METTL25: variants seen among roughly 807,000 people sequenced by gnomAD.
The protein encoded by METTL25 is probable methyltransferase-like protein 25.
METTL25 carries 64 observed loss-of-function variants against 71.6 expected under a neutral mutation model. That is an observed-to-expected ratio of 0.89 (90% confidence interval 0.73 to 1.10). METTL25 has a LOEUF of 1.10. METTL25 is among the 50% of genes least tolerant of loss of function. The pLI, the probability that METTL25 is intolerant of heterozygous loss-of-function variation, is 0.00. For missense variants in METTL25, 807 were observed against 707.0 expected, an observed-to-expected ratio of 1.14 and a Z score of -1.60; for synonymous variants, 287 against 250.3, an observed-to-expected ratio of 1.15 and a Z score of -1.38.
chr12:82,473,719 C>T (rs541221551), intron 9 of METTL25, among the ~76,000 whole-genome samples: 2 of 152,238 alleles, frequency 1.3e-5, no homozygotes, highest in Admixed American at 6.5e-5. Flanking sequence ...CATGGCCTCT[C>T]GCCCTCAGGA....
Position 82,358,789 on chromosome 12 carries a change from A to T in METTL25, c.224A>T (p.Glu75Val), listed in dbSNP as rs780334059. ...SASETEALPS[E>V]TRPLVEAEWE... ...TCGGAGACGGAGGCCCTGCCCTCAGAGACGCGCCCCCTAGTGGAAGCAGAG... is the reference window on the plus strand; with the variant it reads ...TCGGAGACGGAGGCCCTGCCCTCAGTGACGCGCCCCCTAGTGGAAGCAGAG... Residue 75 changes from glutamate to valine, a missense_variant, in exon 1 of 12, where the codon GAG becomes GTG. Glu to Val is a moderately radical substitution (Grantham distance 121). Transcript: ENST00000248306. The T allele has an allele frequency of 6.2e-7, 1 of 1,613,324 alleles. No individual in the cohort carries two copies. The highest frequency in any genetic ancestry group is 8.5e-7 in the Non-Finnish European group (1 of 1,179,786).
At chr12:82,410,145 T>C (rs1887439941) in intron 5 of METTL25, among the ~76,000 whole-genome samples, 1 of 151,830 alleles carries the variant, frequency 6.6e-6, no homozygotes, top group African/African-American at 2.4e-5. Context: ...ACATACTGTT[T>C]AAGCTTACTT....
Position 82,434,690 on chromosome 12 carries a change from T to G in METTL25, c.1375-5T>G, listed in dbSNP as rs754169532. ...AACAATCTGTCTTGTTTTTTTCCCTTTAAGGCATTGGAGCGGGTTGCAGCT... is the reference window on the plus strand; with the variant it reads ...AACAATCTGTCTTGTTTTTTTCCCTGTAAGGCATTGGAGCGGGTTGCAGCT... On this transcript the variant is annotated splice_region_variant and splice_polypyrimidine_tract_variant and intron_variant, in intron 6 of 11. Transcript: ENST00000248306. The G allele has an allele frequency of 1.7e-5, 27 of 1,609,084 alleles. No homozygotes were observed. The highest frequency in any genetic ancestry group is 2.1e-5 in the Non-Finnish European group (25 of 1,176,630).
In METTL25 at chr12:82,394,397, T is replaced by C. The variant is rs1054498845; in HGVS notation, c.532-4398T>C. 3.3e-5 allele frequency among the ~76,000 whole-genome samples: 5 copies of C among 152,030 alleles called. No individual in the cohort carries two copies. In the South Asian group the frequency reaches 6.2e-4, roughly 19 times the overall value. ...AAATACATAACCTTATTGGTGACCA[T>C]AGAGAACTAAACAAGAATATCATTT... On this transcript the variant is annotated intron_variant, in intron 3 of 11. Transcript: ENST00000248306.
chr12:82,463,327 CTA>C (rs1358337685), intron 9 of METTL25, among the ~76,000 whole-genome samples: 1 of 151,860 alleles, frequency 6.6e-6, no homozygotes, highest in African/African-American at 2.4e-5. Context: ...TGAGAATATA[CTA>C]TGTTTTTAAC....
At chr12:82,446,994 C>T (rs1294954741) in intron 8 of METTL25, among the ~76,000 whole-genome samples, 1 of 151,690 alleles carries the variant, frequency 6.6e-6, no homozygotes, top group East Asian at 1.9e-4. Flanking sequence ...ACATTAAGAG[C>T]AAAGTATATA....
At position 82,358,649 on chromosome 12, in the gene METTL25, G is replaced by C. The variant is rs1259826060; in HGVS notation, c.84G>C (p.Arg28Ser). 1 of 1,614,134 alleles carries C rather than the reference G, an allele frequency of 6.2e-7. No individual in the cohort carries two copies. The highest frequency in any genetic ancestry group is 2.2e-5 in the East Asian group (1 of 44,878). The change falls in exon 1 of 12, where the codon AGG becomes AGC. Residue 28 changes from arginine (R) to serine (S), a missense_variant. Transcript: ENST00000248306. The stretch of plus-strand genomic sequence containing the variant: ...TGCAGGGACTGCTGCAGTTCCTGAG[G>C]GATGCCCTGTCCATTTCCAATGCAC... ...AKLQGLLQFL[R>S]DALSISNAHT... is the part of the protein sequence containing the mutation.
intron 3 of METTL25, among the ~76,000 whole-genome samples, chr12:82,398,209 CTATTT>C (rs1288641217): frequency 2.7e-5 from 4 of 149,974 alleles, no homozygotes; most frequent in African/African-American, 9.7e-5. Context: ...TATTTTTATT[CTATTT>C]TAATTGTTTT....
intron 5 of METTL25, chr12:82,408,005 A>G (rs1366629799): frequency 3.1e-6 from 3 of 976,796 alleles, no homozygotes; most frequent in Non-Finnish European, 3.6e-6. Context: ...CTAGCTGCCT[A>G]GCTGAGTCGA....
At chr12:82,425,087 T>C (rs917198941) in intron 5 of METTL25, among the ~76,000 whole-genome samples, 12 of 151,986 alleles carry the variant, frequency 7.9e-5, no homozygotes, top group African/African-American at 2.7e-4. Context: ...AGATAAGATA[T>C]CCTAGAGAAG....
At chr12:82,368,367 C>T (rs79237918) in intron 1 of METTL25, among the ~76,000 whole-genome samples, 8,475 of 152,208 alleles carry the variant, frequency 0.056, 317 homozygotes, top group South Asian at 0.092. Flanking sequence ...ATTTAACACA[C>T]ACATACACAC....
chr12:82,424,808 C>T (rs189464318), intron 5 of METTL25, among the ~76,000 whole-genome samples: 1 of 151,838 alleles, frequency 6.6e-6, no homozygotes, highest in Non-Finnish European at 1.5e-5. Flanking sequence ...CACAGAGAGA[C>T]ACAGAGAAAA....
At chr12:82,446,803 G>T (rs1218092086) in intron 8 of METTL25, among the ~76,000 whole-genome samples, 1 of 151,908 alleles carries the variant, frequency 6.6e-6, no homozygotes, top group Non-Finnish European at 1.5e-5. Flanking sequence ...TTTTAGTAGA[G>T]ACGGGGTTTC....
intron 1 of METTL25, among the ~76,000 whole-genome samples, chr12:82,371,507 C>G (rs1466398434): frequency 6.6e-6 from 1 of 152,206 alleles, no homozygotes; most frequent in Non-Finnish European, 1.5e-5. Flanking sequence ...TTTCTGTCCT[C>G]TCTGAACCAC....
At chr12:82,421,969 C>T (rs548715085) in intron 5 of METTL25, among the ~76,000 whole-genome samples, 1 of 152,306 alleles carries the variant, frequency 6.6e-6, no homozygotes, top group Admixed American at 6.5e-5. Flanking sequence ...ACCAGAGGTA[C>T]AAGGAGGTGC....
Position 82,398,883 on chromosome 12 carries a change from A to G in METTL25, c.620A>G (p.Asn207Ser). ...AAAGTTTATGGAATTGATTCTTCAA[A>G]TACCAATACTCATGGAGCTGAGGAG... ...GLKVYGIDSSNTNTHGAEERN... is the reference protein window; with the variant it reads ...GLKVYGIDSSSTNTHGAEERN... Residue 207 changes from asparagine (N) to serine (S), a missense_variant, in exon 4 of 12, where the codon AAT becomes AGT. Asn to Ser is a conservative substitution (Grantham distance 46). Transcript: ENST00000248306. The G allele has an allele frequency of 6.2e-7, 1 of 1,607,504 alleles. No individual in the cohort carries two copies. The highest frequency in any genetic ancestry group is 8.5e-7 in the Non-Finnish European group (1 of 1,178,164).
At position 82,434,741 on chromosome 12, in the gene METTL25, A is replaced by T; in HGVS notation, c.1404+17A>T. On this transcript the variant is annotated intron_variant, in intron 7 of 11. Coordinates refer to ENST00000248306, the MANE Select transcript of METTL25 (RefSeq NM_032230.3). ...GGCCAAGGGGTAAGTAAGAGTGTTA[A>T]CTGATGAACACGACAGTTTTTCTCT... 1.2e-6 allele frequency: 2 copies of T among 1,606,846 alleles called. No individual in the cohort carries two copies. The highest frequency in any genetic ancestry group is 1.3e-5 in the African/African-American group (1 of 74,632).
At chr12:82,450,923 A>C (rs1230887677) in intron 8 of METTL25, among the ~76,000 whole-genome samples, 3 of 152,058 alleles carry the variant, frequency 2.0e-5, no homozygotes, top group Admixed American at 2.0e-4. Flanking sequence ...CTAACCTTTC[A>C]TATCTGCTTT....
At chr12:82,367,108 T>C (rs1449989058) in intron 1 of METTL25, among the ~76,000 whole-genome samples, 1 of 152,194 alleles carries the variant, frequency 6.6e-6, no homozygotes, top group Admixed American at 6.5e-5. Context: ...CTCCACTACT[T>C]TCCCCTTTCC....
Sources: gnomAD v4.1 joint callset for allele counts (sites outside exome capture counted in the v4.1 genomes callset) on GRCh38, gnomAD v4.1.1 for gene constraint, MANE v1.5 for transcripts, NCBI Gene and HGNC (gene_info 2026-07-23, HGNC 2026-07-21) for gene names.